The following LRIF1 variants were observed in gnomAD, a reference collection of about 807,000 sequenced individuals.
LRIF1 encodes ligand-dependent nuclear receptor-interacting factor 1.
In LRIF1, 32 loss-of-function variants were observed where a neutral mutation model predicts 52.7. The observed-to-expected ratio is 0.61, with a 90% CI of 0.46 to 0.82. The LOEUF (loss-of-function observed/expected upper bound fraction) is 0.82, where lower values mean the gene tolerates loss of function less well. Among genes scored for constraint, LRIF1 ranks in the 40% least tolerant of loss-of-function variants. LRIF1 has a pLI of 0.00. For missense variants in LRIF1, 887 were observed against 892.0 expected, an observed-to-expected ratio of 0.99 and a Z score of 0.07; for synonymous variants, 323 against 317.4, an observed-to-expected ratio of 1.02 and a Z score of -0.19.
Position 110,947,824 on chromosome 1 carries a change from A to G in LRIF1, c.*135T>C, listed in dbSNP as rs1187642928. On this transcript the variant is annotated 3_prime_UTR_variant, in exon 4 of 4. Transcript: ENST00000369763. The stretch of plus-strand genomic sequence containing the variant: ...TGAATCAACCTTTTCTGTATTCCTT[A>G]AAGTTGTACAATCGACTGATGAAAA... The G allele has an allele frequency of 3.3e-5, 41 of 1,229,708 alleles. No homozygotes were observed. Among genetic ancestry groups the G allele is most frequent in the Non-Finnish European group, 4.2e-5 (38 of 915,556 alleles). The allele number at this position is 1,229,708 out of a possible 1,614,324, so 76.2% of individuals were successfully genotyped here.
chr1:110,883,612 T>C, the LRIF1 span, among the ~76,000 whole-genome samples: 1 of 152,014 alleles, frequency 6.6e-6, no homozygotes, highest in African/African-American at 2.4e-5. Flanking sequence ...AGACTTGATA[T>C]AGAATCAGTA....
chr1:110,905,095 A>T, the LRIF1 span, among the ~76,000 whole-genome samples: 21 of 152,240 alleles, frequency 1.4e-4, no homozygotes, highest in Non-Finnish European at 2.1e-4. Flanking sequence ...GAGGAGATTT[A>T]AAAAAAGAAT....
the LRIF1 span, among the ~76,000 whole-genome samples, chr1:110,926,436 A>T: frequency 1.3e-5 from 2 of 152,020 alleles, no homozygotes; most frequent in South Asian, 2.1e-4. Flanking sequence ...AAAATTACAC[A>T]ATATATATAT....
At position 110,951,667 on chromosome 1, in the gene LRIF1, T is replaced by G. The variant is rs573823508; in HGVS notation, c.1217A>C (p.Glu406Ala). ...LQTVSSSPVT[E>A]ISREVVNIVL... is the part of the protein sequence containing the mutation. ...AATATTTACAACCTCTCTGGATATT[T>G]CTGTGACTGGACTTGAACTCACTGT... The change falls in exon 2 of 4, where the codon GAA becomes GCA. Residue 406 changes from glutamate (E) to alanine (A), a missense_variant. Transcript: ENST00000369763. The G allele has an allele frequency of 3.7e-6, 6 of 1,614,102 alleles. No individual in the cohort carries two copies. The East Asian group carries it at 1.1e-4, about 30-fold the overall frequency.
the LRIF1 span, among the ~76,000 whole-genome samples, chr1:110,909,772 G>T: frequency 2.6e-5 from 4 of 151,672 alleles, no homozygotes; most frequent in African/African-American, 9.7e-5. Context: ...ATAGTGACGG[G>T]GTTTCTCCAT....
chr1:110,889,342 G>C, the LRIF1 span, among the ~76,000 whole-genome samples: 2 of 151,766 alleles, frequency 1.3e-5, no homozygotes, highest in Non-Finnish European at 2.9e-5. Flanking sequence ...AGATCACCAG[G>C]TCAGGAGTTC....
the LRIF1 span, among the ~76,000 whole-genome samples, chr1:110,934,594 T>G: frequency 6.6e-6 from 1 of 152,172 alleles, no homozygotes; most frequent in Non-Finnish European, 1.5e-5. Flanking sequence ...GGCTACAGCA[T>G]GAGGCTCCTC....
chr1:110,902,717 G>A, the LRIF1 span, among the ~76,000 whole-genome samples: 1 of 152,154 alleles, frequency 6.6e-6, no homozygotes, highest in South Asian at 2.1e-4. Context: ...ACAAAAGATA[G>A]AAGGTATAGC....
chr1:110,958,464 AGTATT>A (rs1272918966), intron 1 of LRIF1, among the ~76,000 whole-genome samples: 1 of 88 alleles, frequency 0.011, no homozygotes, highest in African/African-American at 0.05. Flanking sequence ...TTTTAAAATG[AGTATT>A]GTTTCATTCA....
the LRIF1 span, chr1:110,939,482 A>C: frequency 1.3e-5 from 2 of 152,132 alleles, no homozygotes; most frequent in African/African-American, 2.4e-5. Flanking sequence ...ATAGAAAAAA[A>C]AACTATCCAA....
the LRIF1 span, among the ~76,000 whole-genome samples, chr1:110,913,686 G>T: frequency 7.2e-5 from 11 of 152,346 alleles, no homozygotes; most frequent in Middle Eastern, 3.4e-3. Context: ...CTTAGACACT[G>T]CTGGTGAGAA....
At chr1:110,891,286 A>T in the LRIF1 span, 3 of 788,654 alleles carry the variant, frequency 3.8e-6, no homozygotes, top group Non-Finnish European at 4.4e-6. Context: ...GGAGAGCCAC[A>T]GCTCAAACCC....
the LRIF1 span, among the ~76,000 whole-genome samples, chr1:110,885,076 T>C: frequency 6.6e-6 from 1 of 152,166 alleles, no homozygotes; most frequent in African/African-American, 2.4e-5. Context: ...TAATCGAGTA[T>C]TTTTTAAGAT....
the LRIF1 span, chr1:110,899,300 T>C: frequency 1.3e-6 from 1 of 784,884 alleles, no homozygotes; most frequent in Non-Finnish European, 2.1e-6. Context: ...CCTCCTCCCA[T>C]CCTTTCCCTT....
chr1:110,954,134 G>T (rs1425882694), intron 1 of LRIF1, among the ~76,000 whole-genome samples: 2 of 151,952 alleles, frequency 1.3e-5, no homozygotes, highest in Non-Finnish European at 2.9e-5. Flanking sequence ...AAACTCTCAG[G>T]TATTAATAAA....
the LRIF1 span, among the ~76,000 whole-genome samples, chr1:110,901,458 G>A: frequency 1.4e-5 from 2 of 148,010 alleles, no homozygotes; most frequent in Non-Finnish European, 3.0e-5. Flanking sequence ...TTACAGGTGT[G>A]AGCCACCTCG....
At chr1:110,908,634 A>G in the LRIF1 span, among the ~76,000 whole-genome samples, 120 of 152,300 alleles carry the variant, frequency 7.9e-4, no homozygotes, top group Middle Eastern at 3.4e-3. Context: ...CAAGCTAAGG[A>G]AAGAATCTCA....
rs772136778 is a variant in LRIF1 at position 110,951,643 on chromosome 1, A to G, written c.1241T>C (p.Ile414Thr). Residue 414 changes from isoleucine to threonine, a missense_variant, in exon 2 of 4, where the codon ATT (isoleucine) becomes ACT (threonine). Physicochemically the swap from Ile to Thr is moderately conservative, Grantham distance 89. Transcript: ENST00000369763. ...GGAAGATTTACTTTTAGCCAAAACA[A>G]TATTTACAACCTCTCTGGATATTTC... ...VTEISREVVN[I>T]VLAKSKSSQM... 6.2e-7 allele frequency: 1 copy of G among 1,614,110 alleles called. No individual in the cohort carries two copies. The highest frequency in any genetic ancestry group is 1.1e-5 in the South Asian group (1 of 91,086).
chr1:110,903,329 C>T, the LRIF1 span, among the ~76,000 whole-genome samples: 21 of 152,174 alleles, frequency 1.4e-4, no homozygotes, highest in Admixed American at 3.3e-4. Context: ...CTTCCCCTAA[C>T]CCCAGGCTGC....
Sources: allele counts gnomAD v4.1 joint callset (sites outside exome capture counted in the v4.1 genomes callset), GRCh38; gene constraint gnomAD v4.1.1; transcripts MANE v1.5; gene names NCBI Gene and HGNC (gene_info 2026-07-23, HGNC 2026-07-21).